The following DGKH variants were observed in gnomAD, a reference collection of about 807,000 sequenced individuals.
DGKH encodes the protein DAG kinase eta.
In DGKH, 90 loss-of-function variants were observed where a neutral mutation model predicts 159.3. The observed-to-expected ratio is 0.57, with a 90% CI of 0.48 to 0.67. DGKH has a LOEUF of 0.67. DGKH is among the 30% of genes least tolerant of loss of function. The probability of loss-of-function intolerance (pLI) is 0.00; values close to 1 mark genes in which losing one functional copy is unlikely to be tolerated. For missense variants in DGKH, 1,181 were observed against 1,506.1 expected (o/e 0.78, Z 3.57); for synonymous variants, 536 against 553.8 (o/e 0.97, Z 0.45).
intron 1 of DGKH, among the ~76,000 whole-genome samples, chr13:42,063,808 G>A (rs1041584519): frequency 1.9e-4 from 29 of 152,020 alleles, no homozygotes; most frequent in Admixed American, 9.8e-4. Flanking sequence ...GCTTGTTGGC[G>A]CATGCATGTA....
At chr13:42,139,108 G>T (rs1241732207) in intron 3 of DGKH, among the ~76,000 whole-genome samples, 1 of 152,120 alleles carries the variant, frequency 6.6e-6, no homozygotes, top group Non-Finnish European at 1.5e-5. Flanking sequence ...TAGCTCTTAA[G>T]GTTATTATTG....
intron 9 of DGKH, among the ~76,000 whole-genome samples, 190 bp downstream of exon 9, chr13:42,166,864 A>T (rs531608422): frequency 6.6e-6 from 1 of 152,298 alleles, no homozygotes; most frequent in African/African-American, 2.4e-5. Flanking sequence ...CTAATTTCTC[A>T]ATTCCAAAAT....
chr13:42,209,118 G>C (rs765265655), intron 22 of DGKH, 46 bp downstream of exon 22: 21 of 1,542,394 alleles, frequency 1.4e-5, no homozygotes, highest in Non-Finnish European at 1.9e-5. Context: ...GGGCTAAGGA[G>C]GGTTGAAGGA....
At chr13:42,120,345 C>T (rs1955044973) in intron 1 of DGKH, among the ~76,000 whole-genome samples, 1 of 152,088 alleles carries the variant, frequency 6.6e-6, no homozygotes, top group African/African-American at 2.4e-5. Flanking sequence ...GTTTAATCAT[C>T]TTGGGAAGAA....
intron 14 of DGKH, among the ~76,000 whole-genome samples, chr13:42,187,674 C>G (rs1956965941): frequency 6.6e-6 from 1 of 152,148 alleles, no homozygotes; most frequent in South Asian, 2.1e-4. Flanking sequence ...CCACACCTGG[C>G]CATGATTGAC....
intron 3 of DGKH, among the ~76,000 whole-genome samples, chr13:42,148,228 C>G (rs1251200416): frequency 6.6e-6 from 1 of 152,160 alleles, no homozygotes; most frequent in African/African-American, 2.4e-5. Flanking sequence ...GCTTGCCACT[C>G]TTTGAATTAT....
At chr13:42,117,735 C>A (rs1313171752) in intron 1 of DGKH, among the ~76,000 whole-genome samples, 1 of 152,012 alleles carries the variant, frequency 6.6e-6, no homozygotes, top group African/African-American at 2.4e-5. Flanking sequence ...TGTAATAATT[C>A]TATAGAAAAA....
chr13:42,102,083 CA>C, intron 1 of DGKH, among the ~76,000 whole-genome samples: 1 of 152,336 alleles, frequency 6.6e-6, no homozygotes, highest in African/African-American at 2.4e-5. Flanking sequence ...TCCAAGAGAT[CA>C]AGGCCGGGGC....
intron 1 of DGKH, among the ~76,000 whole-genome samples, chr13:42,083,662 G>GT (rs1954252213): frequency 6.6e-6 from 1 of 152,104 alleles, no homozygotes; most frequent in African/African-American, 2.4e-5. Context: ...TGAGCAACTC[G>GT]TTGCTTCTTG....
chr13:42,135,117 T>A (rs1955373343), intron 3 of DGKH, among the ~76,000 whole-genome samples: 1 of 152,152 alleles, frequency 6.6e-6, no homozygotes, highest in South Asian at 2.1e-4. Flanking sequence ...AATGAAAGTA[T>A]TTTTTTGTGA....
In DGKH at chr13:42,071,017, A is replaced by C. The variant is rs1264295344; in HGVS notation, c.192+22052A>C. ...AAACAAGTAATTGCCTCCACAACCC[A>C]GTGGTTTTAAGTCCATATACGTAGA... On this transcript the variant is annotated intron_variant, in intron 1 of 29. Coordinates refer to ENST00000337343, the MANE Select transcript of DGKH (RefSeq NM_178009.5). The C allele has an allele frequency of 1.1e-5, 14 of 1,277,438 alleles. No homozygotes were observed. The Admixed American group carries it at 2.0e-4, about 18-fold the overall frequency. 79.1% of individuals were successfully genotyped at this position (1,277,438 alleles called of 1,614,324 possible). A position where few individuals can be genotyped will look rare whatever the true frequency, so the allele number is the denominator to read the frequency against.
chr13:42,246,526 C>T (rs1431608592), downstream of DGKH, among the ~76,000 whole-genome samples: 1 of 152,154 alleles, frequency 6.6e-6, no homozygotes, highest in Non-Finnish European at 1.5e-5. Context: ...CTCATACCAA[C>T]CCCGTGAGTT....
At chr13:42,250,158 A>G (rs1398188962) in intron 29 of DGKH, among the ~76,000 whole-genome samples, 2 of 151,604 alleles carry the variant, frequency 1.3e-5, no homozygotes, top group African/African-American at 2.4e-5. Context: ...TTTAGTAGAG[A>G]TGGGGCTTCA....
chr13:42,184,580 G>A (rs144842984), intron 13 of DGKH, among the ~76,000 whole-genome samples: 35 of 152,264 alleles, frequency 2.3e-4, no homozygotes, highest in African/African-American at 8.4e-4. Context: ...GTTCTGTCTA[G>A]GCCTTATGCA....
At chr13:42,138,794 C>T (rs920679559) in intron 3 of DGKH, among the ~76,000 whole-genome samples, 7 of 152,126 alleles carry the variant, frequency 4.6e-5, no homozygotes, top group Non-Finnish European at 1.0e-4. Context: ...CTGATAGCAG[C>T]AAACCTCATA....
intron 3 of DGKH, among the ~76,000 whole-genome samples, chr13:42,147,971 A>G (rs1295385273): frequency 6.6e-6 from 1 of 152,230 alleles, no homozygotes; most frequent in African/African-American, 2.4e-5. Flanking sequence ...ATAGTAAGGT[A>G]TAAGGCTGAG....
intron 17 of DGKH, among the ~76,000 whole-genome samples, chr13:42,196,161 C>T (rs956578607): frequency 6.6e-6 from 1 of 152,092 alleles, no homozygotes; most frequent in Non-Finnish European, 1.5e-5. Flanking sequence ...CAAATATTGG[C>T]ACAGATGTGA....
At chr13:42,248,390 C>G (rs1958596426) in intron 29 of DGKH, among the ~76,000 whole-genome samples, 1 of 150,816 alleles carries the variant, frequency 6.6e-6, no homozygotes, top group African/African-American at 2.4e-5. Context: ...GGGGCCACTG[C>G]ACTCCAGCCT....
At chr13:42,074,261 G>A (rs1231429529) in intron 1 of DGKH, among the ~76,000 whole-genome samples, 2 of 152,108 alleles carry the variant, frequency 1.3e-5, no homozygotes, top group African/African-American at 4.8e-5. Context: ...ATTTGGCTTA[G>A]GTATTGCTAT....
Sources: allele counts gnomAD v4.1 joint callset (sites outside exome capture counted in the v4.1 genomes callset), GRCh38; gene constraint gnomAD v4.1.1; transcripts MANE v1.5; gene names NCBI Gene and HGNC (gene_info 2026-07-23, HGNC 2026-07-21).